NKAIN3: variants seen among roughly 807,000 people sequenced by gnomAD.
The protein encoded by NKAIN3 is sodium/potassium-transporting ATPase subunit beta-1-interacting protein 3.
NKAIN3 carries 25 observed loss-of-function variants against 30.2 expected under a neutral mutation model. The observed-to-expected ratio is 0.83, with a 90% CI of 0.60 to 1.16. The LOEUF (loss-of-function observed/expected upper bound fraction) is 1.16, where lower values mean the gene tolerates loss of function less well. Ranked by LOEUF, NKAIN3 falls within the 50% of genes most tolerant of loss-of-function variation. The pLI is 0.00. For synonymous variants in NKAIN3, 91 were observed against 89.6 expected (o/e 1.02, Z -0.09); for missense variants, 225 against 254.1 (o/e 0.89, Z 0.78).
rs77276549 is a variant in NKAIN3 at position 62,960,433 on chromosome 8, C to T, written c.604-4921C>T. On this transcript the variant is annotated intron_variant, in intron 6 of 6. Coordinates refer to ENST00000623646, the MANE Select transcript of NKAIN3 (RefSeq NM_001304533.3). ...AATTCCTGACTTTCTCAGAACTTTG[C>T]TGGGTATTTGCCATTGATTTCAATG... Among the ~76,000 whole-genome samples, 493 of 151,984 alleles carry T rather than the reference C, an allele frequency of 3.2e-3. 3 individuals carry two copies. Among genetic ancestry groups the T allele is most frequent in the African/African-American group, 0.012 (477 of 41,434 alleles).
intron 1 of NKAIN3, among the ~76,000 whole-genome samples, chr8:62,310,853 G>A (rs1425230293): frequency 6.0e-5 from 9 of 150,262 alleles, no homozygotes; most frequent in Non-Finnish European, 1.2e-4. Context: ...GAGTACATGT[G>A]GGTGGACAAG....
intron 1 of NKAIN3, among the ~76,000 whole-genome samples, chr8:62,255,583 T>C (rs1407559946): frequency 1.3e-5 from 2 of 152,152 alleles, no homozygotes; most frequent in African/African-American, 4.8e-5. Context: ...TAGTCTGGAG[T>C]ATGTTTTAAG....
At chr8:62,351,890 G>A (rs1445719797) in intron 1 of NKAIN3, among the ~76,000 whole-genome samples, 1 of 152,152 alleles carries the variant, frequency 6.6e-6, no homozygotes, top group African/African-American at 2.4e-5. Context: ...TGCTATGCAG[G>A]CATCCTGGGC....
chr8:62,722,941 T>A (rs1815137561), intron 3 of NKAIN3, among the ~76,000 whole-genome samples: 1 of 152,094 alleles, frequency 6.6e-6, no homozygotes, highest in African/African-American at 2.4e-5. Context: ...AGTCAACAAC[T>A]TGAGATTGGT....
intron 1 of NKAIN3, among the ~76,000 whole-genome samples, chr8:62,287,549 G>T (rs2129399210): frequency 6.6e-6 from 1 of 152,122 alleles, no homozygotes; most frequent in East Asian, 1.9e-4. Context: ...GGGAATTCTT[G>T]AATTCTTGCA....
intron 1 of NKAIN3, among the ~76,000 whole-genome samples, chr8:62,264,663 G>A (rs1446069742): frequency 6.6e-6 from 1 of 152,158 alleles, no homozygotes; most frequent in East Asian, 1.9e-4. Flanking sequence ...TACTGCTTAT[G>A]CTCTATGTCA....
At chr8:62,825,281 T>C (rs572565370) in intron 4 of NKAIN3, among the ~76,000 whole-genome samples, 51 of 152,298 alleles carry the variant, frequency 3.3e-4, no homozygotes, top group African/African-American at 1.2e-3. Context: ...GACTATTCTG[T>C]TTTACTAGAC....
At chr8:62,731,659 A>G (rs1009034218) in intron 3 of NKAIN3, among the ~76,000 whole-genome samples, 10 of 152,082 alleles carry the variant, frequency 6.6e-5, no homozygotes, top group South Asian at 2.1e-4. Context: ...ACTGACTGAC[A>G]TAATAGTACA....
intron 1 of NKAIN3, among the ~76,000 whole-genome samples, chr8:62,456,530 A>AT (rs1177863168): frequency 2.0e-5 from 3 of 152,160 alleles, no homozygotes; most frequent in African/African-American, 7.2e-5. Context: ...AAAAAAAAAA[A>AT]AAATAAAAAT....
chr8:62,682,909 TA>T (rs1050937057), intron 3 of NKAIN3, among the ~76,000 whole-genome samples: 2 of 152,170 alleles, frequency 1.3e-5, no homozygotes, highest in Admixed American at 1.3e-4. Flanking sequence ...CCCTGGTAGC[TA>T]AAGACAAAAG....
chr8:62,877,267 A>G (rs1484310956), intron 4 of NKAIN3, among the ~76,000 whole-genome samples: 1 of 152,352 alleles, frequency 6.6e-6, no homozygotes, highest in Admixed American at 6.5e-5. Context: ...TTCAAAGTTA[A>G]GAAAATTTTC....
At chr8:62,749,773 C>A (rs1816216216) in intron 4 of NKAIN3, among the ~76,000 whole-genome samples, 1 of 146,990 alleles carries the variant, frequency 6.8e-6, no homozygotes, top group African/African-American at 2.5e-5. Context: ...ACCTCCGCTT[C>A]CCAGGTTCAA....
intron 1 of NKAIN3, among the ~76,000 whole-genome samples, chr8:62,432,668 C>T (rs368934613): frequency 2.6e-5 from 4 of 152,066 alleles, no homozygotes; most frequent in African/African-American, 9.7e-5. Flanking sequence ...CCAGTCTAAA[C>T]CCCTTAGCCT....
intron 5 of NKAIN3, among the ~76,000 whole-genome samples, chr8:62,949,979 A>C (rs1823237213): frequency 6.6e-6 from 1 of 152,120 alleles, no homozygotes; most frequent in Non-Finnish European, 1.5e-5. Context: ...GTTTCATTGA[A>C]ATTCACACCC....
chr8:62,634,946 C>A (rs1812081596), intron 3 of NKAIN3, among the ~76,000 whole-genome samples: 1 of 151,984 alleles, frequency 6.6e-6, no homozygotes, highest in South Asian at 2.1e-4. Flanking sequence ...TGCTGTTTTA[C>A]ATAGGAGGCT....
At chr8:62,878,351 A>G (rs1284804510) in intron 4 of NKAIN3, among the ~76,000 whole-genome samples, 1 of 152,132 alleles carries the variant, frequency 6.6e-6, no homozygotes, top group Non-Finnish European at 1.5e-5. Flanking sequence ...AAGGCAAAAC[A>G]TAAGTATGTA....
In NKAIN3 at chr8:62,297,725, G is replaced by A. The variant is rs1471130175; in HGVS notation, c.54+48598G>A. ...TAGGAACACTTTTACACTGTTGGTGGGAATGTAAACTAGTTCAACCATTGT... is the reference window on the plus strand; with the variant it reads ...TAGGAACACTTTTACACTGTTGGTGAGAATGTAAACTAGTTCAACCATTGT... On this transcript the variant is annotated intron_variant, in intron 1 of 6. Transcript: ENST00000623646. Among the ~76,000 whole-genome samples the A allele has an allele frequency of 3.3e-5, 5 of 152,202 alleles. No homozygotes were observed. The South Asian group carries it at 8.3e-4, about 25-fold the overall frequency.
At chr8:62,477,797 G>A (rs997480395) in intron 1 of NKAIN3, among the ~76,000 whole-genome samples, 3 of 152,124 alleles carry the variant, frequency 2.0e-5, no homozygotes, top group African/African-American at 7.2e-5. Flanking sequence ...GGGGATAAGA[G>A]GATTGACATT....
chr8:62,414,409 G>GA (rs937672054), intron 1 of NKAIN3, among the ~76,000 whole-genome samples: 1 of 151,936 alleles, frequency 6.6e-6, no homozygotes, highest in African/African-American at 2.4e-5. Context: ...GGGAAGTGTG[G>GA]AAAAAAATCA....
Sources: allele counts gnomAD v4.1 joint callset (sites outside exome capture counted in the v4.1 genomes callset), GRCh38; gene constraint gnomAD v4.1.1; transcripts MANE v1.5; gene names NCBI Gene and HGNC (gene_info 2026-07-23, HGNC 2026-07-21).